The following FOXM1 variants were observed in gnomAD, a reference collection of about 807,000 sequenced individuals.
The protein encoded by FOXM1 is forkhead box M1.
In FOXM1, 25 loss-of-function variants were observed where a neutral mutation model predicts 63.6. That is an observed-to-expected ratio of 0.39 (90% confidence interval 0.29 to 0.55). FOXM1 has a LOEUF of 0.55. Among genes scored for constraint, FOXM1 ranks in the 20% least tolerant of loss-of-function variants. The pLI is 0.60. For synonymous variants in FOXM1, 387 were observed against 376.9 expected, an observed-to-expected ratio of 1.03 and a Z score of -0.31; for missense variants, 879 against 958.7, an observed-to-expected ratio of 0.92 and a Z score of 1.10.
At position 2,865,277 on chromosome 12, in the gene FOXM1, GTC is replaced by G. The variant is rs763202210; in HGVS notation, c.1020+76_1020+77del. The stretch of plus-strand genomic sequence containing the variant: ...GGGACCCTTCCCCACATCACATCTT[GTC>G]TCTGTCCACTAAAGCCATGCTGAGC... On this transcript the variant is annotated intron_variant, in intron 6 of 8. Coordinates refer to ENST00000359843, the MANE Select transcript of FOXM1 (RefSeq NM_021953.4). 1.4e-5 allele frequency: 18 copies of G among 1,318,580 alleles called. No homozygotes were observed. The East Asian group carries it at 1.4e-4, about 10-fold the overall frequency. 81.7% of individuals were successfully genotyped at this position (1,318,580 alleles called of 1,614,324 possible).
intron 5 of FOXM1, among the ~76,000 whole-genome samples, chr12:2,865,640 AG>A (rs1290032187): frequency 7.7e-6 from 1 of 130,006 alleles, no homozygotes; most frequent in Non-Finnish European, 1.6e-5. Context: ...AGCCTAAGGC[AG>A]GCTTTTTTTT....
In FOXM1 at chr12:2,858,760, G is replaced by A. The variant is rs975742881; in HGVS notation, c.2170C>T (p.Leu724=). 1.2e-6 allele frequency: 2 copies of A among 1,614,220 alleles called. No homozygotes were observed. The highest frequency in any genetic ancestry group is 1.3e-5 in the African/African-American group (1 of 75,044). The change falls in exon 9 of 9, where the codon CTG becomes TTG. Residue 724 remains leucine (L), a synonymous_variant. Coordinates refer to ENST00000359843, the MANE Select transcript of FOXM1 (RefSeq NM_021953.4). ...CTGAGGCTGTCATTCATTGTGTCCA[G>A]GACCAGGCCTTCTGTCAGAGAACGA... ...ANRSLTEGLV[L]DTMNDSLSKI...
chr12:2,870,218 C>T (rs1044135411), intron 3 of FOXM1, among the ~76,000 whole-genome samples: 3 of 150,416 alleles, frequency 2.0e-5, no homozygotes, highest in East Asian at 2.0e-4. Context: ...TCAGGTGATC[C>T]ACTCACCTTG....
chr12:2,861,284 G>T, intron 8 of FOXM1: 1 of 718,142 alleles, frequency 1.4e-6, no homozygotes, highest in Admixed American at 2.2e-5. Flanking sequence ...ATAATGACAA[G>T]GTGCTCAGAC....
chr12:2,871,491 C>T (rs1393555361), intron 3 of FOXM1, among the ~76,000 whole-genome samples: 2 of 151,636 alleles, frequency 1.3e-5, no homozygotes, highest in Non-Finnish European at 2.9e-5. Context: ...ACAAAAAATA[C>T]AAAAATTAGC....
chr12:2,873,847 G>C (rs1476383414), intron 2 of FOXM1, 130 bp downstream of exon 2: 5 of 1,051,116 alleles, frequency 4.8e-6, no homozygotes, highest in Non-Finnish European at 6.9e-6. Context: ...CAAAGTGCTG[G>C]GATTACAGGG....
chr12:2,874,526 C>A lies in FOXM1; in HGVS notation c.-47-1G>T. The A allele has an allele frequency of 6.5e-7, 1 of 1,535,900 alleles. No individual in the cohort carries two copies. ...CCATTGAGAATCACAAGTGTGGACC[C>A]TGGAAAATGCAAATAGTGGCAAGAT... On this transcript the variant is annotated splice_acceptor_variant, in intron 1 of 8. Transcript: ENST00000359843. LOFTEE classifies it low-confidence loss of function (5UTR_SPLICE). This position sits in a 1 kb window ranked among gnomAD's most constrained non-coding sequence, Gnocchi z 4.3.
intron 1 of FOXM1, among the ~76,000 whole-genome samples, chr12:2,875,228 G>T (rs2098140470): frequency 6.6e-6 from 1 of 152,094 alleles, no homozygotes; most frequent in African/African-American, 2.4e-5. Flanking sequence ...CCTGACCTCA[G>T]GTCATCTGCC....
rs765924173 is a variant in FOXM1 at position 2,872,994 on chromosome 12, G to C, written c.503-747C>G. Among the ~76,000 whole-genome samples the C allele has an allele frequency of 1.3e-5, 2 of 152,110 alleles. No individual in the cohort carries two copies. Among genetic ancestry groups the C allele is most frequent in the Non-Finnish European group, 2.9e-5 (2 of 68,020 alleles). ...GCTTGAGTCCAGGCATTCGAGGCTA[G>C]AGTGAGCCGTGATTGCGCCACTGCA... On this transcript the variant is annotated intron_variant, in intron 2 of 8. Transcript: ENST00000359843. This position sits in a 1 kb window ranked among gnomAD's most constrained non-coding sequence, Gnocchi z 4.0.
intron 8 of FOXM1, among the ~76,000 whole-genome samples, chr12:2,860,093 A>G (rs758846041): frequency 6.6e-6 from 1 of 152,216 alleles, no homozygotes; most frequent in Non-Finnish European, 1.5e-5. Context: ...GAGACTACAT[A>G]TACAATCTGA....
Position 2,858,748 on chromosome 12 carries a change from T to A in FOXM1, c.2182A>T (p.Asn728Tyr). 1 of 1,614,190 alleles carries A rather than the reference T, an allele frequency of 6.2e-7. No homozygotes were observed. The highest frequency in any genetic ancestry group is 8.5e-7 in the Non-Finnish European group (1 of 1,180,032). ...LTEGLVLDTM[N>Y]DSLSKILLDI... is the part of the protein sequence containing the mutation. ...AGCAGGATCTTGCTGAGGCTGTCAT[T>A]CATTGTGTCCAGGACCAGGCCTTCT... Residue 728 changes from asparagine to tyrosine, a missense_variant, in exon 9 of 9, where the codon AAT (asparagine) becomes TAT (tyrosine). Transcript: ENST00000359843.
Position 2,874,988 on chromosome 12 carries a change from A to ATTTTTTT in FOXM1, c.-47-470_-47-464dup, listed in dbSNP as rs556937133. Reference sequence around the variant, plus strand: ...AATCCATTCAAGACAAAGGATTTTAATTTTTTTTTTTTTTTTTTTTTTGAG... The same window carrying ATTTTTTT: ...AATCCATTCAAGACAAAGGATTTTAATTTTTTTTTTTTTTTTTTTTTTTTTTTTTGAG... On this transcript the variant is annotated intron_variant, in intron 1 of 8. Coordinates refer to ENST00000359843, the MANE Select transcript of FOXM1 (RefSeq NM_021953.4). The surrounding 1 kb of genome is among the most constrained non-coding windows in gnomAD (Gnocchi z 4.3). 1.6e-5 allele frequency among the ~76,000 whole-genome samples: 2 copies of ATTTTTTT among 127,164 alleles called. No homozygotes were observed. Among genetic ancestry groups the ATTTTTTT allele is most frequent in the African/African-American group, 3.0e-5 (1 of 33,060 alleles). The allele number at this position is 127,164 out of a possible 152,430, so 83.4% of individuals were successfully genotyped here.
Position 2,864,790 on chromosome 12 carries a change from T to A in FOXM1, c.1021-38A>T. The A allele has an allele frequency of 2.5e-6, 4 of 1,608,256 alleles. No individual in the cohort carries two copies. Among genetic ancestry groups the A allele is most frequent in the Non-Finnish European group, 3.4e-6 (4 of 1,174,770 alleles). ...GATGGGGAGAGAAAGAAACCTATGT[T>A]AACACAATAAGGTAAAGAGGGGATG... On this transcript the variant is annotated intron_variant, in intron 6 of 8. Coordinates refer to ENST00000359843, the MANE Select transcript of FOXM1 (RefSeq NM_021953.4). The surrounding 1 kb of genome is among the most constrained non-coding windows in gnomAD (Gnocchi z 5.1).
chr12:2,860,269 G>A (rs1328569544), intron 8 of FOXM1, among the ~76,000 whole-genome samples: 1 of 152,138 alleles, frequency 6.6e-6, no homozygotes, highest in Non-Finnish European at 1.5e-5. Flanking sequence ...GCAAGACACT[G>A]AGGCCAGTTT....
At chr12:2,871,201 T>C (rs563246268) in intron 3 of FOXM1, among the ~76,000 whole-genome samples, 3 of 151,164 alleles carry the variant, frequency 2.0e-5, no homozygotes, top group Non-Finnish European at 4.4e-5. Flanking sequence ...GAACCTAAAA[T>C]AAAAGTTGAG....
intron 3 of FOXM1, among the ~76,000 whole-genome samples, chr12:2,871,259 A>G (rs1381520489): frequency 1.3e-5 from 2 of 152,242 alleles, no homozygotes; most frequent in Non-Finnish European, 2.9e-5. Context: ...CATATATACA[A>G]TAGAATCTAG....
Position 2,868,668 on chromosome 12 carries a change from G to A in FOXM1, c.741C>T (p.Phe247=), listed in dbSNP as rs377374386. The A allele has an allele frequency of 2.4e-5, 39 of 1,613,868 alleles. 1 individual carries two copies. The African/African-American group carries it at 2.9e-4, about 12-fold the overall frequency. Residue 247 remains phenylalanine, a synonymous_variant, in exon 4 of 9, where the codon TTC becomes TTT. Transcript: ENST00000359843. Reference sequence around the variant, plus strand: ...GCTTCCTCTCAGTGCTGTTGATGGCGAATTGTATCATGGCCATGTAAGAGT... The same window carrying A: ...GCTTCCTCTCAGTGCTGTTGATGGCAAATTGTATCATGGCCATGTAAGAGT... ...PPYSYMAMIQ[F]AINSTERKRM...
intron 4 of FOXM1, 63 bp from the exon 5 acceptor site, chr12:2,866,584 A>C: frequency 6.9e-7 from 1 of 1,447,060 alleles, no homozygotes; most frequent in Admixed American, 2.7e-5. Context: ...CACCCTTCAA[A>C]CACATGGGGA....
chr12:2,863,761 G>A (rs144511465), intron 8 of FOXM1: 1 of 151,588 alleles, frequency 6.6e-6, no homozygotes, highest in Non-Finnish European at 1.5e-5. Context: ...ACCCAGGCTG[G>A]AGTGCAGTGA....
Sources: gnomAD v4.1 joint callset for allele counts (sites outside exome capture counted in the v4.1 genomes callset) on GRCh38, gnomAD v4.1.1 for gene constraint, Gnocchi (gnomAD v3.1) non-coding constraint, MANE v1.5 for transcripts, NCBI Gene and HGNC (gene_info 2026-07-23, HGNC 2026-07-21) for gene names.